FDFT1: variants seen among roughly 807,000 people sequenced by gnomAD.
FDFT1 encodes farnesyl-diphosphate farnesyltransferase 1.
FDFT1 carries 68 observed loss-of-function variants against 46.8 expected under a neutral mutation model. The ratio of observed to expected loss-of-function variants is 1.45; its 90% CI spans 1.19 to 1.78. The LOEUF (loss-of-function observed/expected upper bound fraction) is 1.78, where lower values mean the gene tolerates loss of function less well. Among genes scored for constraint, FDFT1 ranks in the 40% most tolerant of loss-of-function variants. FDFT1 has a pLI of 0.00. For synonymous variants in FDFT1, 351 were observed against 185.1 expected (o/e 1.90, Z -7.28); for missense variants, 928 against 524.4 (o/e 1.77, Z -7.52).
At chr8:11,810,391 G>C (rs1037779217) in intron 3 of FDFT1, among the ~76,000 whole-genome samples, 7 of 152,170 alleles carry the variant, frequency 4.6e-5, no homozygotes, top group African/African-American at 1.7e-4. Flanking sequence ...CCTGGCATGG[G>C]GGCGGTGTCT....
chr8:11,811,287 G>GTAA (rs912291266), intron 3 of FDFT1, among the ~76,000 whole-genome samples: 94 of 152,170 alleles, frequency 6.2e-4, no homozygotes, highest in African/African-American at 2.2e-3. Context: ...AGAGGAAGTA[G>GTAA]TAATACCCCA....
intron 1 of FDFT1, among the ~76,000 whole-genome samples, chr8:11,807,210 T>A (rs1415442898): frequency 2.0e-5 from 3 of 152,222 alleles, no homozygotes; most frequent in Non-Finnish European, 1.5e-5. Flanking sequence ...ATATCATAGT[T>A]CACTGTAACG....
intron 1 of FDFT1, 123 bp from the exon 2 acceptor site, chr8:11,808,671 C>A (rs1352215215): frequency 1.4e-6 from 2 of 1,479,590 alleles, no homozygotes; most frequent in African/African-American, 2.8e-5. Context: ...GGACTGGCCT[C>A]GGGGAGAGGG....
In FDFT1 at chr8:11,796,439, G is replaced by A. The variant is rs576387884; in HGVS notation, c.-94+428G>A. ...GGAGGAACCACTGAACATGGTAGAA[G>A]TACTGAGGTCTGTGAAAGTAAAGAT... On this transcript the variant is annotated intron_variant, in intron 1 of 7. Coordinates refer to the FDFT1 transcript ENST00000538689. 2.0e-5 allele frequency among the ~76,000 whole-genome samples: 3 copies of A among 152,346 alleles called. No individual in the cohort carries two copies. The South Asian group carries it at 6.2e-4, about 32-fold the overall frequency.
At chr8:11,828,486 G>A (rs2645416) in intron 5 of FDFT1, among the ~76,000 whole-genome samples, 1 of 152,216 alleles carries the variant, frequency 6.6e-6, no homozygotes, top group Non-Finnish European at 1.5e-5. Flanking sequence ...GGCTGCCTTG[G>A]AAGTGGAGTC....
chr8:11,833,012 TCTTATA>T (rs1811059784), intron 7 of FDFT1, among the ~76,000 whole-genome samples: 1 of 152,194 alleles, frequency 6.6e-6, no homozygotes, highest in South Asian at 2.1e-4. Context: ...TGCACATTCT[TCTTATA>T]CTTCCTCCCT....
At chr8:11,824,396 A>G (rs1335128141) in intron 4 of FDFT1, among the ~76,000 whole-genome samples, 1 of 152,188 alleles carries the variant, frequency 6.6e-6, no homozygotes, top group Non-Finnish European at 1.5e-5. Flanking sequence ...GTTGTCTCTA[A>G]AAGAAAAACT....
At chr8:11,808,573 T>G in intron 1 of FDFT1, 1 of 1,384,556 alleles carries the variant, frequency 7.2e-7, no homozygotes, top group South Asian at 1.6e-5. Flanking sequence ...CGCACCTTGG[T>G]GCTGAGTCCC....
At position 11,830,229 on chromosome 8, in the gene FDFT1, T is replaced by C; in HGVS notation, c.703-15T>C. The C allele has an allele frequency of 6.2e-7, 1 of 1,607,864 alleles. No homozygotes were observed. The highest frequency in any genetic ancestry group is 8.5e-7 in the Non-Finnish European group (1 of 1,174,272). ...GCACACGCTGACCTGTTCCTTAATC[T>C]TCTTATCTGTCTAGGTTTGGAGCAG... On this transcript the variant is annotated splice_polypyrimidine_tract_variant and intron_variant, in intron 5 of 7. Transcript: ENST00000220584.
intron 7 of FDFT1, among the ~76,000 whole-genome samples, chr8:11,833,945 G>C (rs1391850545): frequency 1.3e-5 from 2 of 152,228 alleles, no homozygotes; most frequent in African/African-American, 2.4e-5. Context: ...AGTAGAACCT[G>C]TTAATGGTTT....
At position 11,838,728 on chromosome 8, in the gene FDFT1, T is replaced by G. The variant is rs1423310663; in HGVS notation, c.*119T>G. 6.1e-6 allele frequency: 5 copies of G among 814,430 alleles called. No individual in the cohort carries two copies. The highest frequency in any genetic ancestry group is 5.3e-5 in the East Asian group (2 of 37,868). 50.5% of individuals were successfully genotyped at this position (814,430 alleles called of 1,614,324 possible). ...TACTTTAATCCCTAAAAGAACGCTG[T>G]GTGGCTGGGACCTTTAGGAAAGTGA... On this transcript the variant is annotated 3_prime_UTR_variant, in exon 8 of 8. Coordinates refer to ENST00000220584, the MANE Select transcript of FDFT1 (RefSeq NM_004462.5).
At chr8:11,824,699 C>G in intron 4 of FDFT1, among the ~76,000 whole-genome samples, 1 of 152,062 alleles carries the variant, frequency 6.6e-6, no homozygotes, top group East Asian at 1.9e-4. Context: ...GTACCTGATA[C>G]AATGTTTGTG....
chr8:11,806,033 C>A (rs1042909523), intron 1 of FDFT1, among the ~76,000 whole-genome samples: 1 of 152,020 alleles, frequency 6.6e-6, no homozygotes, highest in African/African-American at 2.4e-5. Flanking sequence ...GTTTTTTTCC[C>A]CTCCTGGAGA....
At position 11,838,549 on chromosome 8, in the gene FDFT1, G is replaced by T. The variant is rs1811878153; in HGVS notation, c.1194G>T (p.Trp398Cys). 3 of 1,613,002 alleles carry T rather than the reference G, an allele frequency of 1.9e-6. No homozygotes were observed. Among genetic ancestry groups the T allele is most frequent in the Non-Finnish European group, 2.5e-6 (3 of 1,179,688 alleles). ...TCATGCTTTTGGCTGCCCTGAGCTGGCAGTACCTGACCACTCTCTCCCAGG... is the reference window on the plus strand; with the variant it reads ...TCATGCTTTTGGCTGCCCTGAGCTGTCAGTACCTGACCACTCTCTCCCAGG... ...SFVMLLAALSWQYLTTLSQVT... is the reference protein window; with the variant it reads ...SFVMLLAALSCQYLTTLSQVT... Residue 398 changes from tryptophan (W) to cysteine (C), a missense_variant, in exon 8 of 8, where the codon TGG becomes TGT. Trp to Cys is a radical substitution (Grantham distance 215). Coordinates refer to ENST00000220584, the MANE Select transcript of FDFT1 (RefSeq NM_004462.5).
intron 3 of FDFT1, among the ~76,000 whole-genome samples, chr8:11,813,873 G>A (rs1333337653): frequency 1.3e-5 from 2 of 151,996 alleles, no homozygotes; most frequent in African/African-American, 2.4e-5. Flanking sequence ...ATATGAAACT[G>A]GGCACTGAGT....
At chr8:11,831,813 T>A in intron 7 of FDFT1, 143 bp downstream of exon 7, 1 of 733,896 alleles carries the variant, frequency 1.4e-6, no homozygotes. Context: ...ATATCCTTTA[T>A]AAGGAAAAAA....
chr8:11,811,479 AG>A (rs1807703846), intron 3 of FDFT1, among the ~76,000 whole-genome samples: 1 of 152,208 alleles, frequency 6.6e-6, no homozygotes, highest in Admixed American at 6.5e-5. Flanking sequence ...CCTCAGCAGA[AG>A]TGAGGGAATA....
intron 7 of FDFT1, among the ~76,000 whole-genome samples, chr8:11,835,318 G>T (rs889250603): frequency 1.3e-5 from 2 of 152,172 alleles, no homozygotes; most frequent in African/African-American, 4.8e-5. Flanking sequence ...TAGCAACGAA[G>T]CATCTAGAAG....
At chr8:11,825,339 C>G (rs151260597) in intron 4 of FDFT1, among the ~76,000 whole-genome samples, 31 of 151,890 alleles carry the variant, frequency 2.0e-4, no homozygotes, top group Admixed American at 1.2e-3. Context: ...GTCAGGAGTT[C>G]GAGACCAGCG....
Sources: allele counts gnomAD v4.1 joint callset (sites outside exome capture counted in the v4.1 genomes callset), GRCh38; gene constraint gnomAD v4.1.1; transcripts MANE v1.5; gene names NCBI Gene and HGNC (gene_info 2026-07-23, HGNC 2026-07-21).